The following RBM15B variants were observed in gnomAD, a reference collection of about 807,000 sequenced individuals.
RBM15B encodes putative RNA-binding protein 15B.
A neutral mutation model predicts 53.3 loss-of-function variants in RBM15B; 11 were observed. That is an observed-to-expected ratio of 0.21 (90% CI 0.13 to 0.34). The LOEUF is 0.34. RBM15B is among the 10% of genes least tolerant of loss of function. The pLI is 1.00. For synonymous variants in RBM15B, 631 were observed against 540.7 expected, an observed-to-expected ratio of 1.17 and a Z score of -2.32; for missense variants, 1,136 against 1,250.3, an observed-to-expected ratio of 0.91 and a Z score of 1.38.
At position 51,392,981 on chromosome 3, in the gene RBM15B, G is replaced by C; in HGVS notation, c.1582G>C (p.Val528Leu). 1 of 1,613,812 alleles carries C rather than the reference G, an allele frequency of 6.2e-7. No homozygotes were observed. Among genetic ancestry groups the C allele is most frequent in the Non-Finnish European group, 8.5e-7 (1 of 1,179,986 alleles). The change falls in exon 1 of 1, where the codon GTG becomes CTG. Residue 528 changes from valine to leucine, a missense_variant. Val to Leu is a conservative substitution (Grantham distance 32). Coordinates refer to ENST00000563281, the MANE Select transcript of RBM15B (RefSeq NM_013286.5). This position sits in a 1 kb window ranked among gnomAD's most constrained non-coding sequence, Gnocchi z 7.5. ...GCACCGCAACCTGGACGCCGACCTG[G>C]TGCGGGACAGGACGCCCCCACACCT... ...TRHRNLDADLVRDRTPPHLLY... is the reference protein window; with the variant it reads ...TRHRNLDADLLRDRTPPHLLY...
Position 51,393,630 on chromosome 3 carries a change from A to T in RBM15B, c.2231A>T (p.Gln744Leu). The change falls in exon 1 of 1, where the codon CAG becomes CTG. Residue 744 changes from glutamine (Q) to leucine (L), a missense_variant. Around this residue, in one of 7 missense-constraint regions of RBM15B, gnomAD observed 578 missense variants for 581.6 expected, o/e 0.99. Coordinates refer to ENST00000563281, the MANE Select transcript of RBM15B (RefSeq NM_013286.5). The surrounding 1 kb of genome is among the most constrained non-coding windows in gnomAD (Gnocchi z 5.6). ...TCTATGCATATCCTAGAGGGGGACC[A>T]GGGGGTGATCAGCAGTCTCCTCAAA... ...PTSMHILEGD[Q>L]GVISSLLKDH... 1 of 1,613,592 alleles carries T rather than the reference A, an allele frequency of 6.2e-7. No homozygotes were observed. The highest frequency in any genetic ancestry group is 1.1e-5 in the South Asian group (1 of 91,046).
Position 51,392,244 on chromosome 3 carries a change from C to T in RBM15B, c.845C>T (p.Ala282Val), listed in dbSNP as rs782063214. The part of the protein sequence containing the change: ...PPLREPRARH[A>V]AAAFALDAAA... Reference sequence around the variant, plus strand: ...CTGCGGGAGCCCCGTGCCCGTCACGCCGCCGCAGCCTTCGCCCTGGATGCC... The same window carrying T: ...CTGCGGGAGCCCCGTGCCCGTCACGTCGCCGCAGCCTTCGCCCTGGATGCC... Residue 282 changes from alanine to valine, a missense_variant, in exon 1 of 1, where the codon GCC becomes GTC. Ala to Val is a moderately conservative substitution (Grantham distance 64, BLOSUM62 0). Coordinates refer to ENST00000563281, the MANE Select transcript of RBM15B (RefSeq NM_013286.5). This position sits in a 1 kb window ranked among gnomAD's most constrained non-coding sequence, Gnocchi z 7.5. 1.0e-5 allele frequency: 16 copies of T among 1,582,560 alleles called. No individual in the cohort carries two copies. Among genetic ancestry groups the T allele is most frequent in the Non-Finnish European group, 1.4e-5 (16 of 1,169,100 alleles).
At position 51,392,985 on chromosome 3, in the gene RBM15B, G is replaced by GC. The variant is rs781920034; in HGVS notation, c.1586_1587insC (p.Asp530GlyfsTer26). The GC allele has an allele frequency of 6.2e-7, 1 of 1,613,628 alleles. No individual in the cohort carries two copies. The highest frequency in any genetic ancestry group is 1.3e-5 in the African/African-American group (1 of 74,916). ...CGCAACCTGGACGCCGACCTGGTGC[G>GC]GGACAGGACGCCCCCACACCTTCTG... On this transcript the variant is annotated frameshift_variant, in exon 1 of 1. Transcript: ENST00000563281. LOFTEE classifies it high-confidence loss of function. This position sits in a 1 kb window ranked among gnomAD's most constrained non-coding sequence, Gnocchi z 7.5.
At position 51,397,804 on chromosome 3, in the gene RBM15B, C is replaced by A. The variant is rs2089307700; in HGVS notation, c.*3732C>A. ...TGGCTAGAGCTGCAAAAAAGGGACA[C>A]ACCCCACTTCGGTAAAAGAAAATAG... On this transcript the variant is annotated 3_prime_UTR_variant, in exon 1 of 1. Coordinates refer to ENST00000563281, the MANE Select transcript of RBM15B (RefSeq NM_013286.5). 2 of 167,066 alleles carry A rather than the reference C, an allele frequency of 1.2e-5. No individual in the cohort carries two copies. Among genetic ancestry groups the A allele is most frequent in the South Asian group, 4.1e-4 (2 of 4,832 alleles). The allele number at this position is 167,066 out of a possible 1,614,324, so 10.3% of individuals were successfully genotyped here.
rs1335519254 is a variant in RBM15B at position 51,394,503 on chromosome 3, T to G, written c.*431T>G. On this transcript the variant is annotated 3_prime_UTR_variant, in exon 1 of 1. Coordinates refer to ENST00000563281, the MANE Select transcript of RBM15B (RefSeq NM_013286.5). ...TCATCCTTCCAGCACCACTGCTGCATGGGTCACTCTCGGCCTCTCAATTCT... is the reference window on the plus strand; with the variant it reads ...TCATCCTTCCAGCACCACTGCTGCAGGGGTCACTCTCGGCCTCTCAATTCT... 1 of 168,274 alleles carries G rather than the reference T, an allele frequency of 5.9e-6. No homozygotes were observed. Among genetic ancestry groups the G allele is most frequent in the Non-Finnish European group, 1.4e-5 (1 of 68,994 alleles). 10.4% of individuals were successfully genotyped at this position (168,274 alleles called of 1,614,324 possible). A position where few individuals can be genotyped will look rare whatever the true frequency, so the allele number is the denominator to read the frequency against.
At position 51,393,177 on chromosome 3, in the gene RBM15B, G is replaced by A. The variant is rs782141969; in HGVS notation, c.1778G>A (p.Arg593Lys). The A allele has an allele frequency of 8.1e-6, 13 of 1,613,848 alleles. No individual in the cohort carries two copies. The highest frequency in any genetic ancestry group is 1.0e-5 in the Non-Finnish European group (12 of 1,179,908). ...GGTTTGCCCAAGCCCTGGGAAGAGA[G>A]GCGGAAACGGAGAAGCCTTTCCAGT... ...DRGLPKPWEE[R>K]RKRRSLSSDR... Residue 593 changes from arginine (R) to lysine (K), a missense_variant, in exon 1 of 1, where the codon AGG becomes AAG. Arg to Lys is a conservative substitution (Grantham distance 26, BLOSUM62 2). Transcript: ENST00000563281. This position sits in a 1 kb window ranked among gnomAD's most constrained non-coding sequence, Gnocchi z 5.6.
At position 51,391,373 on chromosome 3, in the gene RBM15B, G is replaced by A; in HGVS notation, c.-27G>A. The A allele has an allele frequency of 8.3e-7, 1 of 1,203,954 alleles. No homozygotes were observed. The highest frequency in any genetic ancestry group is 1.0e-6 in the Non-Finnish European group (1 of 972,252). 74.6% of individuals were successfully genotyped at this position (1,203,954 alleles called of 1,614,324 possible). On this transcript the variant is annotated 5_prime_UTR_variant, in exon 1 of 1. Coordinates refer to ENST00000563281, the MANE Select transcript of RBM15B (RefSeq NM_013286.5). The surrounding 1 kb of genome is among the most constrained non-coding windows in gnomAD (Gnocchi z 4.5). ...GCCGCCGCCGCTGTGAGAAACCTAC[G>A]GGCCGCCCGCCCGCCGCGCCAGCGC...
In RBM15B at chr3:51,396,119, T is replaced by TTC. The variant is rs2089186247; in HGVS notation, c.*2049_*2050dup. ...CTTGGTATGTTGTTAAGTCCAAAAC[T>TTC]TCTTCTCTGGGCTACCTATCTTCCT... On this transcript the variant is annotated 3_prime_UTR_variant, in exon 1 of 1. Transcript: ENST00000563281. The TTC allele has an allele frequency of 2.5e-6, 1 of 407,426 alleles. No homozygotes were observed. Among genetic ancestry groups the TTC allele is most frequent in the African/African-American group, 2.1e-5 (1 of 48,532 alleles). The allele number at this position is 407,426 out of a possible 1,614,324, so 25.2% of individuals were successfully genotyped here. A position where few individuals can be genotyped will look rare whatever the true frequency, so the allele number is the denominator to read the frequency against.
rs1453881130 is a variant in RBM15B, at chr3:51,391,348, G to T, written c.-52G>T. On this transcript the variant is annotated 5_prime_UTR_variant, in exon 1 of 1. Coordinates refer to ENST00000563281, the MANE Select transcript of RBM15B (RefSeq NM_013286.5). The surrounding 1 kb of genome is among the most constrained non-coding windows in gnomAD (Gnocchi z 4.5). ...CGCTGCCTCCTCGGCCGCCGCCTCC[G>T]CCGCCGCCGCTGTGAGAAACCTACG... 1 of 1,165,966 alleles carries T rather than the reference G, an allele frequency of 8.6e-7. No homozygotes were observed. Among genetic ancestry groups the T allele is most frequent in the Non-Finnish European group, 1.1e-6 (1 of 944,878 alleles). The allele number at this position is 1,165,966 out of a possible 1,614,324, so 72.2% of individuals were successfully genotyped here. A position where few individuals can be genotyped will look rare whatever the true frequency, so the allele number is the denominator to read the frequency against.
At position 51,392,898 on chromosome 3, in the gene RBM15B, A is replaced by T; in HGVS notation, c.1499A>T (p.Gln500Leu). 6.2e-7 allele frequency: 1 copy of T among 1,613,946 alleles called. No individual in the cohort carries two copies. Among genetic ancestry groups the T allele is most frequent in the Non-Finnish European group, 8.5e-7 (1 of 1,180,024 alleles). ...GCAGAGGAGACTCGGTACCCCCAGC[A>T]GTACCAGCCCTCGCCACTCCCTGTG... The part of the protein sequence containing the change: ...AKAEETRYPQ[Q>L]YQPSPLPVHY... The change falls in exon 1 of 1, where the codon CAG becomes CTG. Residue 500 changes from glutamine (Q) to leucine (L), a missense_variant. Gln to Leu is a moderately radical substitution (Grantham distance 113). Transcript: ENST00000563281. The surrounding 1 kb of genome is among the most constrained non-coding windows in gnomAD (Gnocchi z 7.5).
At position 51,394,770 on chromosome 3, in the gene RBM15B, A is replaced by C. The variant is rs1359659981; in HGVS notation, c.*698A>C. 1.6e-4 allele frequency: 26 copies of C among 166,820 alleles called. No homozygotes were observed. The highest frequency in any genetic ancestry group is 9.8e-4 in the Admixed American group (15 of 15,262). 10.3% of individuals were successfully genotyped at this position (166,820 alleles called of 1,614,324 possible). On this transcript the variant is annotated 3_prime_UTR_variant, in exon 1 of 1. Coordinates refer to ENST00000563281, the MANE Select transcript of RBM15B (RefSeq NM_013286.5). ...TTTGTTTGGGACAGAGTGCCCACTC[A>C]GCATGTTTGGCAGCAGGTAGCCTTC...
chr3:51,393,302 A>G lies in RBM15B; in HGVS notation c.1903A>G (p.Ser635Gly). 1 of 1,609,998 alleles carries G rather than the reference A, an allele frequency of 6.2e-7. No individual in the cohort carries two copies. Among genetic ancestry groups the G allele is most frequent in the Non-Finnish European group, 8.5e-7 (1 of 1,178,200 alleles). Residue 635 changes from serine to glycine, a missense_variant, in exon 1 of 1, where the codon AGC becomes GGC. Ser to Gly is a moderately conservative substitution (Grantham distance 56, BLOSUM62 0). Around this residue, in one of 7 missense-constraint regions of RBM15B, gnomAD observed 578 missense variants for 581.6 expected, o/e 0.99. Transcript: ENST00000563281. The surrounding 1 kb of genome is among the most constrained non-coding windows in gnomAD (Gnocchi z 5.6). ...GGGCTCCGACCGCACCCCTGAGCGCAGCCGCAAGGAGAACCACTCCAGTGA... is the reference window on the plus strand; with the variant it reads ...GGGCTCCGACCGCACCCCTGAGCGCGGCCGCAAGGAGAACCACTCCAGTGA... The part of the protein sequence containing the change: ...ERGSDRTPER[S>G]RKENHSSEGT...
rs782709723 is a variant in RBM15B, at chr3:51,394,088, C to G, written c.*16C>G. On this transcript the variant is annotated 3_prime_UTR_variant, in exon 1 of 1. Transcript: ENST00000563281. ...CACTGCCTAGCCCAAGCCTGTCTTT[C>G]CCAGCGTCATGTTTGTGTCACAAAA... 20 of 1,405,764 alleles carry G rather than the reference C, an allele frequency of 1.4e-5. 2 individuals carry two copies. The Admixed American group carries it at 5.2e-4, about 37-fold the overall frequency. The allele number at this position is 1,405,764 out of a possible 1,614,324, so 87.1% of individuals were successfully genotyped here.
chr3:51,391,988 C>T lies in RBM15B; in HGVS notation c.589C>T (p.Arg197Cys). The T allele has an allele frequency of 1.3e-6, 2 of 1,599,072 alleles. No individual in the cohort carries two copies. The highest frequency in any genetic ancestry group is 1.7e-6 in the Non-Finnish European group (2 of 1,178,008). ...FRHPQDAREA[R>C]QHALARQLLL... is the part of the protein sequence containing the mutation. ...GCACCCACAGGACGCACGCGAGGCC[C>T]GCCAGCACGCCCTGGCCCGGCAGCT... Residue 197 changes from arginine to cysteine, a missense_variant, in exon 1 of 1, where the codon CGC becomes TGC. Physicochemically the swap from Arg to Cys is radical, Grantham distance 180. This residue lies in a region of RBM15B where 204 missense variants were observed against 196.8 expected (regional missense o/e 1.04). Coordinates refer to ENST00000563281, the MANE Select transcript of RBM15B (RefSeq NM_013286.5). The surrounding 1 kb of genome is among the most constrained non-coding windows in gnomAD (Gnocchi z 4.5).
At position 51,393,488 on chromosome 3, in the gene RBM15B, C is replaced by T; in HGVS notation, c.2089C>T (p.Pro697Ser). ...CCGGACCACAGAGGCCGAGCCCAAG[C>T]CTCTGGAAGAGCCAAAACACGAGAC... ...NHRTTEAEPKPLEEPKHETKK... is the reference protein window; with the variant it reads ...NHRTTEAEPKSLEEPKHETKK... Residue 697 changes from proline (P) to serine (S), a missense_variant, in exon 1 of 1, where the codon CCT becomes TCT. By Grantham distance (74) the Pro-to-Ser change is moderately conservative. This residue lies in a region of RBM15B where 578 missense variants were observed against 581.6 expected (regional missense o/e 0.99). Transcript: ENST00000563281. The surrounding 1 kb of genome is among the most constrained non-coding windows in gnomAD (Gnocchi z 5.6). 6.2e-7 allele frequency: 1 copy of T among 1,614,114 alleles called. No individual in the cohort carries two copies. The highest frequency in any genetic ancestry group is 8.5e-7 in the Non-Finnish European group (1 of 1,180,016).
Position 51,393,796 on chromosome 3 carries a change from AACCCCC to A in RBM15B, c.2399_2404del (p.Thr800_Pro801del). ...ATGCGGTCCTCTTAGCCACCCAGGC[AACCCCC>A]AGTGGGCTTGGCACTGAGGGGATGC... On this transcript the variant is annotated inframe_deletion, in exon 1 of 1. Transcript: ENST00000563281. The surrounding 1 kb of genome is among the most constrained non-coding windows in gnomAD (Gnocchi z 5.6). The A allele has an allele frequency of 6.2e-7, 1 of 1,613,752 alleles. No homozygotes were observed. Among genetic ancestry groups the A allele is most frequent in the South Asian group, 1.1e-5 (1 of 91,054 alleles).
rs1312039046 is a variant in RBM15B at position 51,397,893 on chromosome 3, T to A, written c.*3821T>A. On this transcript the variant is annotated 3_prime_UTR_variant, in exon 1 of 1. Coordinates refer to ENST00000563281, the MANE Select transcript of RBM15B (RefSeq NM_013286.5). Reference sequence around the variant, plus strand: ...TGTATTTTTTTTAAATAAATACACTTTACATTAAAGAAAAAGGCCTTTGAT... The same window carrying A: ...TGTATTTTTTTTAAATAAATACACTATACATTAAAGAAAAAGGCCTTTGAT... 1.8e-5 allele frequency: 3 copies of A among 166,666 alleles called. No individual in the cohort carries two copies. Among genetic ancestry groups the A allele is most frequent in the Non-Finnish European group, 4.4e-5 (3 of 68,098 alleles). The allele number at this position is 166,666 out of a possible 1,614,324, so 10.3% of individuals were successfully genotyped here.
chr3:51,395,428 T>C lies in RBM15B; in HGVS notation c.*1356T>C, dbSNP rs113103683. ...AAGGGTGAGATTCCGTCTTCTTCCC[T>C]GTCTCAAGTAAGTAAGGAAGGTACT... is the stretch of plus-strand genomic sequence containing the variant. On this transcript the variant is annotated 3_prime_UTR_variant, in exon 1 of 1. Coordinates refer to ENST00000563281, the MANE Select transcript of RBM15B (RefSeq NM_013286.5). 6,043 of 187,918 alleles carry C rather than the reference T, an allele frequency of 0.032. 404 individuals are homozygous for C. Among genetic ancestry groups the C allele is most frequent in the African/African-American group, 0.13 (5,444 of 42,384 alleles). 11.6% of individuals were successfully genotyped at this position (187,918 alleles called of 1,614,324 possible).
chr3:51,397,887 T>C lies in RBM15B; in HGVS notation c.*3815T>C, dbSNP rs1487450245. On this transcript the variant is annotated 3_prime_UTR_variant, in exon 1 of 1. Transcript: ENST00000563281. ...TTATTTTGTATTTTTTTTAAATAAA[T>C]ACACTTTACATTAAAGAAAAAGGCC... is the stretch of plus-strand genomic sequence containing the variant. 1 of 166,676 alleles carries C rather than the reference T, an allele frequency of 6.0e-6. No individual in the cohort carries two copies. Among genetic ancestry groups the C allele is most frequent in the Non-Finnish European group, 1.5e-5 (1 of 68,102 alleles). The allele number at this position is 166,676 out of a possible 1,614,324, so 10.3% of individuals were successfully genotyped here. A position where few individuals can be genotyped will look rare whatever the true frequency, so the allele number is the denominator to read the frequency against.
Sources: allele counts gnomAD v4.1 joint callset, GRCh38; gene constraint gnomAD v4.1.1; regional missense constraint gnomAD v4.1.1; non-coding constraint Gnocchi (gnomAD v3.1); transcripts MANE v1.5; gene names NCBI Gene and HGNC (gene_info 2026-07-23, HGNC 2026-07-21).